The following FAM110B variants were observed in gnomAD, a reference collection of about 807,000 sequenced individuals.
FAM110B encodes the protein protein FAM110B.
Under a neutral mutation model 20.4 loss-of-function variants are expected in FAM110B, and 6 were observed. The ratio of observed to expected loss-of-function variants is 0.29; its 90% CI spans 0.16 to 0.58. FAM110B has a LOEUF of 0.58. FAM110B is among the 20% of genes least tolerant of loss of function. FAM110B has a pLI of 0.90. For synonymous variants in FAM110B, 226 were observed against 214.1 expected, an observed-to-expected ratio of 1.06 and a Z score of -0.49; for missense variants, 434 against 498.2, an observed-to-expected ratio of 0.87 and a Z score of 1.23.
chr8:58,008,925 C>G (rs1804470442), intron 1 of FAM110B, among the ~76,000 whole-genome samples: 2 of 152,166 alleles, frequency 1.3e-5, no homozygotes, highest in Admixed American at 1.3e-4. Context: ...CCTGAAATAC[C>G]TCTCCTGTCT....
intron 1 of FAM110B, among the ~76,000 whole-genome samples, chr8:58,025,782 C>T (rs60328953): frequency 0.028 from 4,254 of 152,316 alleles, 198 homozygotes; most frequent in African/African-American, 0.096. Context: ...ATGTTCTTAT[C>T]ATGAGCTGTA....
intron 3 of FAM110B, among the ~76,000 whole-genome samples, chr8:58,095,994 T>C (rs2150606796): frequency 6.6e-6 from 1 of 152,342 alleles, no homozygotes; most frequent in East Asian, 1.9e-4. Context: ...CATTATGTAG[T>C]GGCCTTCTTT....
intron 2 of FAM110B, among the ~76,000 whole-genome samples, chr8:58,044,326 C>G (rs775669692): frequency 1.3e-5 from 2 of 152,182 alleles, no homozygotes; most frequent in Admixed American, 6.5e-5. Context: ...CAAAAGCTGC[C>G]TGACAGCCTT....
At chr8:58,073,690 C>T (rs1408940100) in intron 2 of FAM110B, among the ~76,000 whole-genome samples, 4 of 152,134 alleles carry the variant, frequency 2.6e-5, no homozygotes, top group Admixed American at 1.3e-4. Context: ...TTAGTGATTA[C>T]TTTTGGAACT....
intron 3 of FAM110B, among the ~76,000 whole-genome samples, chr8:58,100,504 A>T (rs1387794032): frequency 1.3e-5 from 2 of 152,242 alleles, no homozygotes; most frequent in Non-Finnish European, 2.9e-5. Flanking sequence ...TAAAGGTATC[A>T]GCAGGGCTGG....
At chr8:58,128,927 A>AT (rs1807580064) in intron 3 of FAM110B, among the ~76,000 whole-genome samples, 1 of 152,162 alleles carries the variant, frequency 6.6e-6, no homozygotes, top group South Asian at 2.1e-4. Flanking sequence ...TTGGCTCTTC[A>AT]TAGACGTATT....
intron 2 of FAM110B, among the ~76,000 whole-genome samples, chr8:58,038,539 G>T (rs1327792864): frequency 6.6e-6 from 1 of 152,148 alleles, no homozygotes; most frequent in Non-Finnish European, 1.5e-5. Flanking sequence ...ATCACTTGAG[G>T]TCAGGAGTTT....
At chr8:58,050,451 C>T (rs1490781895) in intron 2 of FAM110B, among the ~76,000 whole-genome samples, 1 of 152,180 alleles carries the variant, frequency 6.6e-6, no homozygotes, top group African/African-American at 2.4e-5. Context: ...GTTGGCTACA[C>T]AGCCCTCTCA....
At chr8:58,072,392 T>C (rs1310919482) in intron 2 of FAM110B, among the ~76,000 whole-genome samples, 1 of 152,212 alleles carries the variant, frequency 6.6e-6, no homozygotes, top group Admixed American at 6.5e-5. Flanking sequence ...TGAATGTATC[T>C]GTGTACTGTG....
At chr8:58,072,478 CA>C (rs1805924238) in intron 2 of FAM110B, among the ~76,000 whole-genome samples, 2 of 152,140 alleles carry the variant, frequency 1.3e-5, no homozygotes, top group South Asian at 4.1e-4. Flanking sequence ...CAGAATTAAA[CA>C]AGTGTTATTT....
chr8:58,089,426 T>C (rs1292389226), intron 3 of FAM110B, among the ~76,000 whole-genome samples: 1 of 152,190 alleles, frequency 6.6e-6, no homozygotes, highest in Non-Finnish European at 1.5e-5. Context: ...GGGTTTTGCT[T>C]TCCACAAAAA....
intron 3 of FAM110B, among the ~76,000 whole-genome samples, chr8:58,144,048 A>G (rs1041033134): frequency 2.0e-5 from 3 of 152,232 alleles, no homozygotes; most frequent in African/African-American, 7.2e-5. Flanking sequence ...ATCTTGTCCA[A>G]CTAACTCGTG....
At chr8:58,080,371 A>G (rs780783263) in intron 3 of FAM110B, among the ~76,000 whole-genome samples, 1 of 152,242 alleles carries the variant, frequency 6.6e-6, no homozygotes, top group Non-Finnish European at 1.5e-5. Flanking sequence ...AGAGTAGGAA[A>G]GAGGCCAAAA....
intron 1 of FAM110B, among the ~76,000 whole-genome samples, chr8:58,002,016 T>TAG (rs149988068): frequency 3.1e-4 from 46 of 149,798 alleles, no homozygotes; most frequent in Non-Finnish European, 4.5e-4. Flanking sequence ...GCTAAGCAGC[T>TAG]AGAGAGAGAG....
chr8:58,130,893 G>A (rs560676172), intron 3 of FAM110B, among the ~76,000 whole-genome samples: 1 of 152,258 alleles, frequency 6.6e-6, no homozygotes, highest in East Asian at 1.9e-4. Context: ...ATTAGGTTTT[G>A]CCTCCATGAC....
intron 2 of FAM110B, among the ~76,000 whole-genome samples, chr8:58,032,994 TA>T (rs1804998517): frequency 6.6e-6 from 1 of 152,206 alleles, no homozygotes; most frequent in Non-Finnish European, 1.5e-5. Context: ...GTTTGGGATA[TA>T]AATGATCCCA....
At chr8:58,052,367 T>G (rs1430875917) in intron 2 of FAM110B, among the ~76,000 whole-genome samples, 1 of 152,126 alleles carries the variant, frequency 6.6e-6, no homozygotes, top group Non-Finnish European at 1.5e-5. Flanking sequence ...AGTATAGAGA[T>G]GTTGAGATCC....
At chr8:58,037,111 G>A (rs1342749925) in intron 2 of FAM110B, among the ~76,000 whole-genome samples, 4 of 149,782 alleles carry the variant, frequency 2.7e-5, no homozygotes, top group Non-Finnish European at 5.9e-5. Flanking sequence ...TATTAATGCC[G>A]TTAAGGTACA....
At chr8:58,087,381 G>A (rs10504240) in intron 3 of FAM110B, among the ~76,000 whole-genome samples, 9,133 of 152,216 alleles carry the variant, frequency 0.06, 433 homozygotes, top group African/African-American at 0.13. Context: ...GTAGCAATTT[G>A]CTTTTTGAAT....
Sources: gnomAD v4.1 joint callset for allele counts (sites outside exome capture counted in the v4.1 genomes callset) on GRCh38, gnomAD v4.1.1 for gene constraint, MANE v1.5 for transcripts, NCBI Gene and HGNC (gene_info 2026-07-23, HGNC 2026-07-21) for gene names.